Variants in ABTB2 observed in about 807,000 individuals in gnomAD.
ABTB2 encodes the protein ankyrin repeat and BTB domain containing 2.
In ABTB2, 56 loss-of-function variants were observed where a neutral mutation model predicts 104.1. That is an observed-to-expected ratio of 0.54 (90% confidence interval 0.43 to 0.67). The LOEUF is 0.67. Ranked by LOEUF, ABTB2 falls within the 30% of genes least tolerant of loss-of-function variation. The probability of loss-of-function intolerance (pLI) is 0.00; values close to 1 mark genes in which losing one functional copy is unlikely to be tolerated. For missense variants in ABTB2, 1,279 were observed against 1,407.7 expected (o/e 0.91, Z 1.46); for synonymous variants, 606 against 608.2 (o/e 1.00, Z 0.05).
At chr11:34,176,225 A>G (rs1200166338) in intron 3 of ABTB2, among the ~76,000 whole-genome samples, 1 of 139,666 alleles carries the variant, frequency 7.2e-6, no homozygotes, top group Non-Finnish European at 1.5e-5. Flanking sequence ...GATCGCAATG[A>G]GCCGAGATCA....
At chr11:34,199,662 G>C (rs1853311489) in intron 2 of ABTB2, among the ~76,000 whole-genome samples, 1 of 152,106 alleles carries the variant, frequency 6.6e-6, no homozygotes, top group African/African-American at 2.4e-5. Flanking sequence ...CCGGAGGTCA[G>C]CTTAAGCCCC....
chr11:34,167,493 A>T, intron 6 of ABTB2, 133 bp from the exon 7 acceptor site: 1 of 787,062 alleles, frequency 1.3e-6, no homozygotes, highest in Non-Finnish European at 2.1e-6. Context: ...CACAAAGTGG[A>T]CAAGGCTCAA....
At chr11:34,184,504 G>C (rs1853070176) in intron 3 of ABTB2, among the ~76,000 whole-genome samples, 1 of 152,224 alleles carries the variant, frequency 6.6e-6, no homozygotes, top group African/African-American at 2.4e-5. Flanking sequence ...CCTGGTTCCA[G>C]GGCGGCATTT....
At chr11:34,293,627 G>T (rs560514256) in intron 1 of ABTB2, among the ~76,000 whole-genome samples, 1 of 148,854 alleles carries the variant, frequency 6.7e-6, no homozygotes, top group South Asian at 2.1e-4. Flanking sequence ...ATGCTGCTGA[G>T]ATACCCTTCC....
At chr11:34,192,592 T>C (rs1240614362) in intron 3 of ABTB2, among the ~76,000 whole-genome samples, 2 of 152,154 alleles carry the variant, frequency 1.3e-5, no homozygotes, top group South Asian at 2.1e-4. Flanking sequence ...TGTGCCACCC[T>C]CCACAGAGGC....
chr11:34,232,074 A>T (rs1347916401), intron 1 of ABTB2, among the ~76,000 whole-genome samples: 1 of 152,236 alleles, frequency 6.6e-6, no homozygotes, highest in South Asian at 2.1e-4. Context: ...TATGAACTTT[A>T]GTTAATAATG....
intron 1 of ABTB2, among the ~76,000 whole-genome samples, chr11:34,222,493 G>T (rs969439977): frequency 6.6e-6 from 1 of 152,172 alleles, no homozygotes; most frequent in Non-Finnish European, 1.5e-5. Flanking sequence ...AAGCATCCGA[G>T]TGGGAGGTGA....
At chr11:34,275,783 T>C (rs997236305) in intron 1 of ABTB2, among the ~76,000 whole-genome samples, 7 of 152,174 alleles carry the variant, frequency 4.6e-5, no homozygotes, top group Non-Finnish European at 1.0e-4. Flanking sequence ...ACTCTGCCAA[T>C]CTTTCATGTC....
intron 1 of ABTB2, among the ~76,000 whole-genome samples, chr11:34,257,264 C>T (rs547763611): frequency 6.6e-6 from 1 of 152,074 alleles, no homozygotes; most frequent in South Asian, 2.1e-4. Context: ...CCACACGTGG[C>T]TCAGGAAGAT....
chr11:34,332,729 C>A (rs1855146964), intron 1 of ABTB2, among the ~76,000 whole-genome samples: 1 of 151,956 alleles, frequency 6.6e-6, no homozygotes, highest in Non-Finnish European at 1.5e-5. Context: ...AGCAAACAGA[C>A]CCTCTTTGAA....
At chr11:34,286,315 C>G (rs756286930) in intron 1 of ABTB2, among the ~76,000 whole-genome samples, 1 of 151,876 alleles carries the variant, frequency 6.6e-6, no homozygotes, top group Non-Finnish European at 1.5e-5. Context: ...TTATTTGAGA[C>G]GGAGTCTTGC....
intron 16 of ABTB2, 41 bp from the exon 17 acceptor site, chr11:34,152,625 G>C: frequency 6.4e-7 from 1 of 1,573,940 alleles, no homozygotes; most frequent in Non-Finnish European, 8.7e-7. Flanking sequence ...CATCGCCTTA[G>C]TACAGCCCCA....
At chr11:34,204,142 T>C (rs1430193115) in intron 2 of ABTB2, among the ~76,000 whole-genome samples, 1 of 152,080 alleles carries the variant, frequency 6.6e-6, no homozygotes, top group Non-Finnish European at 1.5e-5. Context: ...TTGGGTGTGC[T>C]TTCTTTCGAG....
intron 2 of ABTB2, 93 bp from the exon 3 acceptor site, chr11:34,197,631 G>T: frequency 1.1e-6 from 1 of 946,588 alleles, no homozygotes; most frequent in Non-Finnish European, 1.5e-6. Flanking sequence ...GATGTTCCTG[G>T]CTGAAGCTCC....
At chr11:34,214,223 A>C (rs938506686) in intron 1 of ABTB2, among the ~76,000 whole-genome samples, 2 of 151,790 alleles carry the variant, frequency 1.3e-5, no homozygotes, top group Non-Finnish European at 2.9e-5. Flanking sequence ...TCGTAGACTC[A>C]GTACCTTAAA....
chr11:34,351,747 T>G (rs10836194), intron 1 of ABTB2, among the ~76,000 whole-genome samples: 23,854 of 151,890 alleles, frequency 0.16, 3,261 homozygotes, highest in African/African-American at 0.36. Context: ...TGCACAGTTT[T>G]ATGGGAGAGA....
intron 11 of ABTB2, among the ~76,000 whole-genome samples, 187 bp downstream of exon 11, chr11:34,160,716 T>A (rs1590202240): frequency 7.0e-5 from 1 of 14,304 alleles, no homozygotes; most frequent in Non-Finnish European, 1.3e-4. Flanking sequence ...GCCTGGGTGC[T>A]GGGGGCGGGC....
chr11:34,233,505 C>T (rs1252456468), intron 1 of ABTB2, among the ~76,000 whole-genome samples: 1 of 152,008 alleles, frequency 6.6e-6, no homozygotes, highest in Non-Finnish European at 1.5e-5. Context: ...GGTACACCAC[C>T]ACACCCAGCT....
At chr11:34,242,567 G>C (rs1450636685) in intron 1 of ABTB2, 1 of 152,364 alleles carries the variant, frequency 6.6e-6, no homozygotes, top group Non-Finnish European at 1.5e-5. Flanking sequence ...GAGGGGGGTG[G>C]CTGAAGGAGT....
Sources: allele counts gnomAD v4.1 joint callset (sites outside exome capture counted in the v4.1 genomes callset), GRCh38; gene constraint gnomAD v4.1.1; transcripts MANE v1.5; gene names NCBI Gene and HGNC (gene_info 2026-07-23, HGNC 2026-07-21).